The following RABGAP1L variants were observed in gnomAD, a reference collection of about 807,000 sequenced individuals.
The protein encoded by RABGAP1L is rab GTPase-activating protein 1-like.
In RABGAP1L, 63 loss-of-function variants were observed where a neutral mutation model predicts 137.7. That is an observed-to-expected ratio of 0.46 (90% confidence interval 0.37 to 0.56). RABGAP1L has a LOEUF of 0.56. Ranked by LOEUF, RABGAP1L falls within the 20% of genes least tolerant of loss-of-function variation. The pLI is 0.00. For missense variants in RABGAP1L, 1,095 were observed against 1,244.0 expected, an observed-to-expected ratio of 0.88 and a Z score of 1.80; for synonymous variants, 431 against 433.7, an observed-to-expected ratio of 0.99 and a Z score of 0.08.
At chr1:174,384,932 A>G (rs1224418102) in intron 12 of RABGAP1L, among the ~76,000 whole-genome samples, 1 of 152,214 alleles carries the variant, frequency 6.6e-6, no homozygotes, top group Non-Finnish European at 1.5e-5. Flanking sequence ...AAGTTGTAAT[A>G]TTCTCTATTA....
At chr1:174,326,077 A>G (rs1680413922) in intron 11 of RABGAP1L, among the ~76,000 whole-genome samples, 1 of 152,202 alleles carries the variant, frequency 6.6e-6, no homozygotes, top group Non-Finnish European at 1.5e-5. Context: ...GCCCACTAAA[A>G]TAGACTGATC....
intron 13 of RABGAP1L, among the ~76,000 whole-genome samples, chr1:174,470,444 G>A (rs1657786051): frequency 6.6e-6 from 1 of 152,050 alleles, no homozygotes; most frequent in Non-Finnish European, 1.5e-5. Flanking sequence ...GTAATCTCTG[G>A]CCTTCCTTGA....
At chr1:174,944,254 G>A (rs1666371748) in intron 19 of RABGAP1L, among the ~76,000 whole-genome samples, 1 of 134,468 alleles carries the variant, frequency 7.4e-6, no homozygotes, top group South Asian at 2.3e-4. Context: ...TCCAGCCTGG[G>A]CAACAGAACA....
At chr1:174,916,790 A>G (rs10912849) in intron 19 of RABGAP1L, among the ~76,000 whole-genome samples, 16,669 of 152,184 alleles carry the variant, frequency 0.11, 991 homozygotes, top group East Asian at 0.22. Flanking sequence ...CCATACCTAG[A>G]TGCAAACAGC....
chr1:174,620,117 G>A (rs1453291948), intron 13 of RABGAP1L, among the ~76,000 whole-genome samples: 1 of 152,114 alleles, frequency 6.6e-6, no homozygotes, highest in Non-Finnish European at 1.5e-5. Context: ...CAATACAGGA[G>A]CACCCAGATT....
intron 14 of RABGAP1L, among the ~76,000 whole-genome samples, chr1:174,677,701 C>T (rs1436838117): frequency 2.0e-5 from 3 of 152,166 alleles, no homozygotes; most frequent in East Asian, 1.9e-4. Flanking sequence ...TATACCACCC[C>T]ACTCACCTAT....
intron 17 of RABGAP1L, among the ~76,000 whole-genome samples, chr1:174,702,702 C>T (rs900183112): frequency 5.3e-5 from 8 of 151,700 alleles, no homozygotes; most frequent in African/African-American, 1.9e-4. Context: ...GGGACTGCTG[C>T]GAAATGATGA....
chr1:174,248,538 T>C (rs1044660148), intron 5 of RABGAP1L, among the ~76,000 whole-genome samples: 1 of 151,992 alleles, frequency 6.6e-6, no homozygotes, highest in African/African-American at 2.4e-5. Context: ...GACTGGCAGG[T>C]AGGATTTCTG....
intron 18 of RABGAP1L, among the ~76,000 whole-genome samples, chr1:174,758,205 T>G (rs1684924379): frequency 6.6e-6 from 1 of 152,116 alleles, no homozygotes; most frequent in African/African-American, 2.4e-5. Context: ...CCTTCTTTTT[T>G]TATGTTTTGG....
rs1650887349 is a variant in RABGAP1L, at chr1:174,418,642, G to C, written c.1710+24497G>C. ...GCTTCAGGGGCACTATGATGCTTCA[G>C]GGGCACTCCAAGCAATTTTTAATGA... On this transcript the variant is annotated intron_variant, in intron 13 of 25. Coordinates refer to ENST00000681986, the MANE Select transcript of RABGAP1L (RefSeq NM_001366446.1). Among the ~76,000 whole-genome samples the C allele has an allele frequency of 1.3e-5, 2 of 152,132 alleles. 1 individual carries two copies. Among genetic ancestry groups the C allele is most frequent in the Non-Finnish European group, 2.9e-5 (2 of 68,006 alleles).
At chr1:174,724,754 A>G (rs1476166051) in intron 17 of RABGAP1L, among the ~76,000 whole-genome samples, 3 of 152,200 alleles carry the variant, frequency 2.0e-5, no homozygotes, top group African/African-American at 4.8e-5. Context: ...ATATATGACT[A>G]TATATTATAA....
At position 174,184,147 on chromosome 1, in the gene RABGAP1L, G is replaced by T. The variant is rs1035337401; in HGVS notation, c.-34+24490G>T. On this transcript the variant is annotated intron_variant, in intron 1 of 25. Coordinates refer to ENST00000681986, the MANE Select transcript of RABGAP1L (RefSeq NM_001366446.1). ...CTCCCAAAGTGCTGGGATTACAGGT[G>T]TGAGCCACCGTGCCCGGCAGATTGG... 2.0e-5 allele frequency among the ~76,000 whole-genome samples: 3 copies of T among 152,226 alleles called. No individual in the cohort carries two copies. The South Asian group carries it at 6.2e-4, about 32-fold the overall frequency.
intron 15 of RABGAP1L, among the ~76,000 whole-genome samples, chr1:174,691,249 CACTA>C (rs1253742303): frequency 1.3e-5 from 2 of 152,160 alleles, no homozygotes; most frequent in Non-Finnish European, 2.9e-5. Context: ...TTTAGTTTTA[CACTA>C]ACTATGGGGA....
intron 1 of RABGAP1L, among the ~76,000 whole-genome samples, chr1:174,170,848 A>G (rs780913897): frequency 6.6e-6 from 1 of 152,074 alleles, no homozygotes; most frequent in Non-Finnish European, 1.5e-5. Context: ...GATAAGATGT[A>G]CAAAAGAACA....
intron 1 of RABGAP1L, among the ~76,000 whole-genome samples, chr1:174,174,522 A>C (rs1471959370): frequency 6.6e-6 from 1 of 152,194 alleles, no homozygotes; most frequent in African/African-American, 2.4e-5. Flanking sequence ...CAAACTAGGG[A>C]ACTAGGGAAA....
At chr1:174,578,644 A>T (rs1322748690) in intron 13 of RABGAP1L, among the ~76,000 whole-genome samples, 2 of 152,238 alleles carry the variant, frequency 1.3e-5, no homozygotes, top group Non-Finnish European at 2.9e-5. Flanking sequence ...TTAACAAAAT[A>T]TAAATAAACT....
chr1:174,644,552 A>AG lies in RABGAP1L; in HGVS notation c.1824+7064_1824+7065insG, dbSNP rs1674798787. 2.0e-5 allele frequency among the ~76,000 whole-genome samples: 3 copies of AG among 152,084 alleles called. No homozygotes were observed. The South Asian group carries it at 6.2e-4, about 31-fold the overall frequency. ...ATCTAAAATACAAAAGAAAAAAAAA[A>AG]CTAACCTGCAAAGATGAAACACAGG... On this transcript the variant is annotated intron_variant, in intron 14 of 25. Transcript: ENST00000681986.
intron 13 of RABGAP1L, among the ~76,000 whole-genome samples, chr1:174,527,692 G>C (rs913880762): frequency 6.6e-6 from 1 of 152,084 alleles, no homozygotes. Flanking sequence ...TTTCTTTACT[G>C]ATTTTCTGTC....
intron 15 of RABGAP1L, among the ~76,000 whole-genome samples, chr1:174,695,826 CCCCA>C (rs1679212386): frequency 6.6e-6 from 1 of 152,232 alleles, no homozygotes. Flanking sequence ...TTAGGGGATG[CCCCA>C]AGCCAAATAA....
Sources: gnomAD v4.1 joint callset for allele counts (sites outside exome capture counted in the v4.1 genomes callset) on GRCh38, gnomAD v4.1.1 for gene constraint, MANE v1.5 for transcripts, NCBI Gene and HGNC (gene_info 2026-07-23, HGNC 2026-07-21) for gene names.